The following DMD variants were observed in gnomAD, a reference collection of about 807,000 sequenced individuals.
DMD encodes dystrophin.
A neutral mutation model predicts 330.1 loss-of-function variants in DMD; 63 were observed. The observed-to-expected ratio is 0.19, with a 90% CI of 0.16 to 0.24. DMD has a LOEUF of 0.24. Ranked by LOEUF, DMD falls within the 10% of genes least tolerant of loss-of-function variation. The probability of loss-of-function intolerance (pLI) is 1.00; values close to 1 mark genes in which losing one functional copy is unlikely to be tolerated. For synonymous variants in DMD, 1,223 were observed against 959.8 expected, an observed-to-expected ratio of 1.27 and a Z score of -5.07; for missense variants, 3,344 against 2,684.1, an observed-to-expected ratio of 1.25 and a Z score of -5.43.
chrX:32,393,879 C>T lies in DMD; in HGVS notation c.4234-3698G>A, dbSNP rs996606441. Among the ~76,000 whole-genome samples, 7 of 110,796 alleles carry T rather than the reference C, an allele frequency of 6.3e-5. No individual in the cohort carries two copies. The East Asian group carries it at 2.0e-3, about 32-fold the overall frequency. ...CAGTTTGAGATAGGTTCAATGGGAT[C>T]AATAGTAATCAGGGTACATGAGCTC... On this transcript the variant is annotated intron_variant, in intron 30 of 78. Transcript: ENST00000357033.
intron 16 of DMD, among the ~76,000 whole-genome samples, chrX:32,560,123 TGAGA>T (rs1045624181): frequency 5.5e-5 from 6 of 109,317 alleles, no homozygotes; most frequent in East Asian, 2.9e-4. Context: ...TCCTTATTCC[TGAGA>T]AAGAAGACAA....
chrX:33,278,364 A>C (rs2053269307), intron 1 of DMD, among the ~76,000 whole-genome samples: 1 of 110,753 alleles, frequency 9.0e-6, no homozygotes, highest in Non-Finnish European at 1.9e-5. Flanking sequence ...CCCAGAGTCT[A>C]CTGTTCTCAT....
chrX:32,570,583 G>A (rs1003327169), intron 15 of DMD, among the ~76,000 whole-genome samples: 2 of 111,657 alleles, frequency 1.8e-5, no homozygotes, highest in African/African-American at 6.5e-5. Flanking sequence ...TTTTTCCAAG[G>A]AATCAACTGA....
At chrX:31,315,949 T>C (rs1316659613) in intron 62 of DMD, among the ~76,000 whole-genome samples, 1 of 112,139 alleles carries the variant, frequency 8.9e-6, no homozygotes, top group Non-Finnish European at 1.9e-5. Context: ...GCCTCATGAA[T>C]GATATTTAGG....
At chrX:33,309,803 T>TATG (rs1249576370) in intron 1 of DMD, among the ~76,000 whole-genome samples, 1 of 110,854 alleles carries the variant, frequency 9.0e-6, no homozygotes, top group Non-Finnish European at 1.9e-5. Flanking sequence ...GGTGTGATTA[T>TATG]ATTATTATTA....
chrX:32,103,678 C>T (rs2096550822), intron 44 of DMD, among the ~76,000 whole-genome samples: 1 of 112,059 alleles, frequency 8.9e-6, no homozygotes. Flanking sequence ...TATCAGACCA[C>T]GACTCTTCCT....
chrX:31,555,254 A>T (rs1340455270), intron 55 of DMD, among the ~76,000 whole-genome samples: 2 of 111,724 alleles, frequency 1.8e-5, no homozygotes, highest in African/African-American at 6.5e-5. Context: ...ACTTGATGTC[A>T]TTGAATGAAG....
At position 32,008,101 on chromosome X, in the gene DMD, G is replaced by A. The variant is rs1372228356; in HGVS notation, c.6439-39587C>T. ...CATTTGAGAGTATAAGGGGACAGTG[G>A]GCTCCGGTGTGACTATGAACATATG... is the stretch of plus-strand genomic sequence containing the variant. On this transcript the variant is annotated intron_variant, in intron 44 of 78. Coordinates refer to ENST00000357033, the MANE Select transcript of DMD (RefSeq NM_004006.3). 2.7e-5 allele frequency among the ~76,000 whole-genome samples: 3 copies of A among 111,051 alleles called. No homozygotes were observed. In the East Asian group the frequency reaches 8.5e-4, roughly 32 times the overall value.
At chrX:31,908,271 TTTA>T (rs2094502493) in intron 47 of DMD, among the ~76,000 whole-genome samples, 1 of 111,822 alleles carries the variant, frequency 8.9e-6, no homozygotes, top group African/African-American at 3.3e-5. Context: ...CACACGTATG[TTTA>T]TTGCGGCACT....
At chrX:31,508,185 T>G in intron 55 of DMD, 1 of 1,163,844 alleles carries the variant, frequency 8.6e-7, no homozygotes, top group Non-Finnish European at 1.2e-6. Flanking sequence ...ATCAAGAAAA[T>G]TATTATAGTA....
At chrX:31,279,827 C>T (rs1014666780) in intron 62 of DMD, among the ~76,000 whole-genome samples, 1 of 112,602 alleles carries the variant, frequency 8.9e-6, no homozygotes. Flanking sequence ...AACTATTGTT[C>T]AAATTTGGTC....
chrX:33,254,866 T>C (rs2052831390), intron 1 of DMD, among the ~76,000 whole-genome samples: 1 of 110,598 alleles, frequency 9.0e-6, no homozygotes, highest in Non-Finnish European at 1.9e-5. Flanking sequence ...TGACAAAAGC[T>C]CCTTTAGTAA....
At chrX:31,996,135 G>A (rs759559645) in intron 44 of DMD, among the ~76,000 whole-genome samples, 1 of 112,059 alleles carries the variant, frequency 8.9e-6, no homozygotes, top group Admixed American at 9.5e-5. Flanking sequence ...TAGGCATGGA[G>A]AGAAATTGGA....
chrX:32,224,249 T>C (rs982902894), intron 43 of DMD, among the ~76,000 whole-genome samples: 11 of 111,670 alleles, frequency 9.9e-5, no homozygotes, highest in Non-Finnish European at 1.9e-4. Context: ...TCATGATTAG[T>C]GCTTCATCAT....
chrX:31,383,052 C>T (rs772628976), intron 60 of DMD, among the ~76,000 whole-genome samples: 1 of 109,532 alleles, frequency 9.1e-6, no homozygotes, highest in Non-Finnish European at 1.9e-5. Flanking sequence ...TAACTGATGA[C>T]ATTCCACCAC....
At chrX:32,547,563 T>C (rs1355537967) in intron 16 of DMD, among the ~76,000 whole-genome samples, 1 of 111,049 alleles carries the variant, frequency 9.0e-6, no homozygotes, top group Non-Finnish European at 1.9e-5. Context: ...GTAGAACTCA[T>C]TACATATAAC....
intron 63 of DMD, among the ~76,000 whole-genome samples, chrX:31,223,956 A>C (rs993924307): frequency 2.2e-4 from 25 of 112,240 alleles, no homozygotes; most frequent in Admixed American, 2.8e-4. Context: ...GAATAACAAC[A>C]ATATATGTTA....
At chrX:31,834,112 A>T (rs2149484551) in intron 49 of DMD, among the ~76,000 whole-genome samples, 1 of 111,428 alleles carries the variant, frequency 9.0e-6, no homozygotes, top group African/African-American at 3.3e-5. Flanking sequence ...TGATATATGG[A>T]CTCAAAGTTT....
At chrX:31,603,127 C>G (rs1025775174) in intron 55 of DMD, among the ~76,000 whole-genome samples, 2 of 110,550 alleles carry the variant, frequency 1.8e-5, no homozygotes, top group African/African-American at 6.6e-5. Context: ...CAGCTTGAGT[C>G]TCAGAAGAAA....
Sources: allele counts gnomAD v4.1 joint callset (sites outside exome capture counted in the v4.1 genomes callset), GRCh38; gene constraint gnomAD v4.1.1; transcripts MANE v1.5; gene names NCBI Gene and HGNC (gene_info 2026-07-23, HGNC 2026-07-21).